The following FBXL7 variants were observed in gnomAD, a reference collection of about 807,000 sequenced individuals.
FBXL7 encodes the protein F-box and leucine rich repeat protein 7.
Under a neutral mutation model 38.3 loss-of-function variants are expected in FBXL7, and 12 were observed. The ratio of observed to expected loss-of-function variants is 0.31; its 90% CI spans 0.20 to 0.51. The LOEUF (loss-of-function observed/expected upper bound fraction) is 0.51. FBXL7 is among the 20% of genes least tolerant of loss of function. FBXL7 has a pLI of 0.98. For missense variants in FBXL7, 567 were observed against 676.4 expected (o/e 0.84, Z 1.79); for synonymous variants, 297 against 300.9 (o/e 0.99, Z 0.13).
chr5:15,773,186 A>G (rs1246750967), intron 2 of FBXL7, among the ~76,000 whole-genome samples: 2 of 152,182 alleles, frequency 1.3e-5, no homozygotes, highest in East Asian at 3.9e-4. Flanking sequence ...GACCTGAGCA[A>G]ACAAGCCTGG....
At chr5:15,716,230 A>C (rs1328183383) in intron 2 of FBXL7, among the ~76,000 whole-genome samples, 1 of 152,236 alleles carries the variant, frequency 6.6e-6, no homozygotes, top group Non-Finnish European at 1.5e-5. Flanking sequence ...TTTGCTTAGC[A>C]GATGACATGC....
At position 15,862,263 on chromosome 5, in the gene FBXL7, C is replaced by G. The variant is rs560750401; in HGVS notation, c.128-65627C>G. ...CTGATGGTTTTATAAGGGGAAATGCCTTTCACTTGGCTCTCATTCTTCTCT... is the reference window on the plus strand; with the variant it reads ...CTGATGGTTTTATAAGGGGAAATGCGTTTCACTTGGCTCTCATTCTTCTCT... On this transcript the variant is annotated intron_variant, in intron 2 of 3. Coordinates refer to ENST00000504595, the MANE Select transcript of FBXL7 (RefSeq NM_012304.5). Among the ~76,000 whole-genome samples, 11 of 152,256 alleles carry G rather than the reference C, an allele frequency of 7.2e-5. No homozygotes were observed. In the South Asian group the frequency reaches 2.1e-3, roughly 29 times the overall value.
chr5:15,766,206 C>T (rs981700769), intron 2 of FBXL7, among the ~76,000 whole-genome samples: 2 of 152,206 alleles, frequency 1.3e-5, no homozygotes, highest in Non-Finnish European at 2.9e-5. Context: ...TTACATCGGC[C>T]TCCTAGCCTT....
At chr5:15,789,282 C>T (rs918999312) in intron 2 of FBXL7, among the ~76,000 whole-genome samples, 8 of 152,148 alleles carry the variant, frequency 5.3e-5, no homozygotes, top group African/African-American at 1.9e-4. Context: ...TTATGTCTCA[C>T]CCTCTGCCAG....
At chr5:15,758,192 T>G (rs982776625) in intron 2 of FBXL7, among the ~76,000 whole-genome samples, 3 of 151,884 alleles carry the variant, frequency 2.0e-5, no homozygotes, top group Non-Finnish European at 2.9e-5. Context: ...AAAAAAGAAA[T>G]AAGTATCAAA....
At chr5:15,574,151 A>G (rs1407553331) in intron 1 of FBXL7, among the ~76,000 whole-genome samples, 1 of 152,190 alleles carries the variant, frequency 6.6e-6, no homozygotes, top group African/African-American at 2.4e-5. Context: ...CAGGTGCAAA[A>G]TCTGTAATAA....
chr5:15,739,133 A>G (rs968858589), intron 2 of FBXL7, among the ~76,000 whole-genome samples: 1 of 152,184 alleles, frequency 6.6e-6, no homozygotes, highest in Non-Finnish European at 1.5e-5. Flanking sequence ...TTCCACAGCC[A>G]TCCAGCATCT....
intron 2 of FBXL7, among the ~76,000 whole-genome samples, chr5:15,652,839 T>G (rs537076728): frequency 6.6e-6 from 1 of 152,338 alleles, no homozygotes; most frequent in South Asian, 2.1e-4. Context: ...GTGACTGTAG[T>G]CAAAAATAAT....
chr5:15,795,678 T>G (rs1288672591), intron 2 of FBXL7, among the ~76,000 whole-genome samples: 1 of 152,026 alleles, frequency 6.6e-6, no homozygotes, highest in Non-Finnish European at 1.5e-5. Context: ...TGTTCATGGG[T>G]TTTTCAGGAA....
intron 2 of FBXL7, among the ~76,000 whole-genome samples, chr5:15,851,850 A>ACACACACACACACACACG (rs113175311): frequency 7.0e-6 from 1 of 142,258 alleles, no homozygotes; most frequent in Non-Finnish European, 1.6e-5. Flanking sequence ...ACACACACAC[A>ACACACACACACACACACG]AAGTTCCTTG....
Position 15,687,939 on chromosome 5 carries a change from G to A in FBXL7, c.127+71867G>A, listed in dbSNP as rs138192550. Among the ~76,000 whole-genome samples the A allele has an allele frequency of 5.3e-5, 8 of 152,276 alleles. No individual in the cohort carries two copies. In the East Asian group the frequency reaches 1.5e-3, roughly 29 times the overall value. On this transcript the variant is annotated intron_variant, in intron 2 of 3. Transcript: ENST00000504595. ...CTGTTCACTATCTCAGTCACATCAT[G>A]GTGGCCATGTTGCTTGTGATGTAAC...
chr5:15,737,119 T>A (rs959580674), intron 2 of FBXL7, among the ~76,000 whole-genome samples: 1 of 152,130 alleles, frequency 6.6e-6, no homozygotes. Flanking sequence ...CCCAGCCCCC[T>A]CATTCCAGAA....
At chr5:15,541,443 G>GTATGTATATA (rs1554004565) in intron 1 of FBXL7, among the ~76,000 whole-genome samples, 1 of 38,426 alleles carries the variant, frequency 2.6e-5, no homozygotes, top group Non-Finnish European at 4.8e-5. Flanking sequence ...GTGTGTGTGT[G>GTATGTATATA]TATATATATA....
intron 1 of FBXL7, among the ~76,000 whole-genome samples, chr5:15,576,245 G>A (rs1343104867): frequency 6.6e-6 from 1 of 151,910 alleles, no homozygotes; most frequent in Non-Finnish European, 1.5e-5. Context: ...ACCATGCCCA[G>A]CTAATTTTTT....
intron 1 of FBXL7, among the ~76,000 whole-genome samples, chr5:15,594,423 C>T (rs942261346): frequency 7.2e-5 from 11 of 152,300 alleles, no homozygotes; most frequent in Admixed American, 6.5e-4. Context: ...CCATTTCTTA[C>T]GCGGTGGTAA....
At chr5:15,791,257 A>G (rs1156892662) in intron 2 of FBXL7, among the ~76,000 whole-genome samples, 15 of 152,166 alleles carry the variant, frequency 9.9e-5, no homozygotes, top group Admixed American at 6.5e-5. Flanking sequence ...CTAAACTGCA[A>G]TCAGGATCTC....
chr5:15,647,844 G>C (rs1414341402), intron 2 of FBXL7, among the ~76,000 whole-genome samples: 1 of 152,204 alleles, frequency 6.6e-6, no homozygotes, highest in Non-Finnish European at 1.5e-5. Flanking sequence ...TTTAGGATGA[G>C]AGGCAGAAGT....
intron 2 of FBXL7, among the ~76,000 whole-genome samples, chr5:15,889,409 G>GA (rs1250048763): frequency 6.6e-6 from 1 of 152,158 alleles, no homozygotes; most frequent in African/African-American, 2.4e-5. Context: ...ATGTTTCTTG[G>GA]AAAATCACTA....
intron 2 of FBXL7, among the ~76,000 whole-genome samples, chr5:15,880,236 C>G (rs1034465453): frequency 2.0e-5 from 3 of 152,164 alleles, no homozygotes; most frequent in East Asian, 1.9e-4. Context: ...AGCTTGCATT[C>G]TAAGTATGAG....
Sources: gnomAD v4.1 joint callset for allele counts (sites outside exome capture counted in the v4.1 genomes callset) on GRCh38, gnomAD v4.1.1 for gene constraint, MANE v1.5 for transcripts, NCBI Gene and HGNC (gene_info 2026-07-23, HGNC 2026-07-21) for gene names.